The following RXFP1 variants were observed in gnomAD, a reference collection of about 807,000 sequenced individuals.
RXFP1 encodes the protein relaxin receptor 1.
In RXFP1, 73 loss-of-function variants were observed where a neutral mutation model predicts 89.8. The ratio of observed to expected loss-of-function variants is 0.81; its 90% CI spans 0.67 to 0.99. The LOEUF (loss-of-function observed/expected upper bound fraction) is 0.99, where lower values mean the gene tolerates loss of function less well. Ranked by LOEUF, RXFP1 falls within the 50% of genes least tolerant of loss-of-function variation. The probability of loss-of-function intolerance (pLI) is 0.00; values close to 1 mark genes in which losing one functional copy is unlikely to be tolerated. For synonymous variants in RXFP1, 277 were observed against 305.5 expected, an observed-to-expected ratio of 0.91 and a Z score of 0.97; for missense variants, 793 against 895.5, an observed-to-expected ratio of 0.89 and a Z score of 1.46.
chr4:158,642,435 CT>C (rs1389826331), intron 14 of RXFP1, among the ~76,000 whole-genome samples: 1 of 152,080 alleles, frequency 6.6e-6, no homozygotes. Flanking sequence ...ATAAGTCTGC[CT>C]GTCTCTTCCT....
At chr4:158,533,303 G>A (rs1275242231) in intron 1 of RXFP1, among the ~76,000 whole-genome samples, 1 of 152,116 alleles carries the variant, frequency 6.6e-6, no homozygotes, top group African/African-American at 2.4e-5. Context: ...TACCTTCCCT[G>A]AGCAATAAAG....
intron 1 of RXFP1, among the ~76,000 whole-genome samples, chr4:158,547,438 T>C (rs1263165341): frequency 6.6e-6 from 1 of 152,328 alleles, no homozygotes; most frequent in African/African-American, 2.4e-5. Flanking sequence ...GTTTTTTGTG[T>C]CTCTATTTCC....
intron 16 of RXFP1, 146 bp from the exon 17 acceptor site, chr4:158,648,353 G>T: frequency 1.2e-5 from 6 of 506,060 alleles, no homozygotes; most frequent in Non-Finnish European, 2.0e-5. Flanking sequence ...GTAATTCTTT[G>T]TGAAGAAAAA....
intron 5 of RXFP1, among the ~76,000 whole-genome samples, 191 bp from the exon 6 acceptor site, chr4:158,607,781 G>A (rs536964690): frequency 1.4e-4 from 22 of 152,242 alleles, no homozygotes; most frequent in Admixed American, 1.3e-3. Flanking sequence ...TTTTTAAAAT[G>A]TTTAATCGTC....
At chr4:158,625,481 C>T (rs538874084) in intron 9 of RXFP1, among the ~76,000 whole-genome samples, 2 of 152,068 alleles carry the variant, frequency 1.3e-5, no homozygotes, top group Non-Finnish European at 2.9e-5. Flanking sequence ...AATTTTGCAA[C>T]CCAATGCAAC....
At position 158,646,835 on chromosome 4, in the gene RXFP1, T is replaced by C; in HGVS notation, c.1390T>C (p.Phe464Leu). ...AATATATTTATTCGTGATCGGAGGC[T>C]TTGACCTAAAGTTTCGTGGAGAATA... ...MGIYLFVIGG[F>L]DLKFRGEYNK... Residue 464 changes from phenylalanine to leucine, a missense_variant, in exon 16 of 18, where the codon TTT becomes CTT. By Grantham distance (22) the Phe-to-Leu change is conservative. Transcript: ENST00000307765. The C allele has an allele frequency of 6.2e-7, 1 of 1,613,992 alleles. No homozygotes were observed. Among genetic ancestry groups the C allele is most frequent in the East Asian group, 2.2e-5 (1 of 44,874 alleles).
At chr4:158,626,705 A>G (rs1766916425) in intron 9 of RXFP1, 115 bp from the exon 10 acceptor site, 1 of 575,694 alleles carries the variant, frequency 1.7e-6, no homozygotes, top group Non-Finnish European at 3.0e-6. Context: ...GAGAGTCTAT[A>G]TGAAATAAAC....
chr4:158,542,109 A>ATATATATATTTTT lies in RXFP1; in HGVS notation c.49+20085_49+20086insATATATATTTTTT. The stretch of plus-strand genomic sequence containing the variant: ...TATATATATATATATATATATATAT[A>ATATATATATTTTT]TTTTTTTTTTAGTAGAGACAGGGTT... On this transcript the variant is annotated intron_variant, in intron 1 of 17. Transcript: ENST00000307765. Among the ~76,000 whole-genome samples the ATATATATATTTTT allele has an allele frequency of 1.4e-3, 48 of 35,210 alleles. 1 individual carries two copies. The highest frequency in any genetic ancestry group is 1.4e-3 in the Non-Finnish European group (25 of 17,984). The allele number at this position is 35,210 out of a possible 152,430, so 23.1% of individuals were successfully genotyped here.
chr4:158,615,318 T>C (rs1764340182), intron 8 of RXFP1, among the ~76,000 whole-genome samples: 1 of 151,866 alleles, frequency 6.6e-6, no homozygotes, highest in South Asian at 2.1e-4. Flanking sequence ...GGGCAGATCA[T>C]CTGAGGTCAG....
At chr4:158,530,586 T>C (rs942473844) in intron 1 of RXFP1, among the ~76,000 whole-genome samples, 1 of 152,232 alleles carries the variant, frequency 6.6e-6, no homozygotes, top group Non-Finnish European at 1.5e-5. Flanking sequence ...TTCTCACACA[T>C]TTCAAACTTA....
At chr4:158,542,109 A>ATATATATATATATATATATATTTTT in intron 1 of RXFP1, among the ~76,000 whole-genome samples, 12 of 35,230 alleles carry the variant, frequency 3.4e-4, no homozygotes, top group Non-Finnish European at 4.4e-4. Flanking sequence ...ATATATATAT[A>ATATATATATATATATATATATTTTT]TTTTTTTTTT....
chr4:158,644,428 C>CT (rs983269298), intron 14 of RXFP1, among the ~76,000 whole-genome samples: 4 of 150,946 alleles, frequency 2.6e-5, no homozygotes, highest in East Asian at 3.9e-4. Context: ...TTTTTCTTTT[C>CT]TTTTTTTTTC....
intron 4 of RXFP1, among the ~76,000 whole-genome samples, chr4:158,600,074 C>T (rs987710173): frequency 6.6e-6 from 1 of 152,180 alleles, no homozygotes; most frequent in Non-Finnish European, 1.5e-5. Flanking sequence ...GCAACACAAA[C>T]ATATACATTT....
At chr4:158,595,391 G>C (rs1000795423) in intron 3 of RXFP1, among the ~76,000 whole-genome samples, 1 of 152,166 alleles carries the variant, frequency 6.6e-6, no homozygotes, top group African/African-American at 2.4e-5. Flanking sequence ...ACCTGGCAAT[G>C]CCAGCTCCTC....
At chr4:158,629,778 C>T (rs1400306094) in intron 11 of RXFP1, among the ~76,000 whole-genome samples, 1 of 152,102 alleles carries the variant, frequency 6.6e-6, no homozygotes, top group Non-Finnish European at 1.5e-5. Flanking sequence ...TAGCACACCA[C>T]CATGCCCAGC....
intron 1 of RXFP1, among the ~76,000 whole-genome samples, chr4:158,542,110 T>TATATATATATATATATATATATA (rs56793848): frequency 1.5e-4 from 2 of 13,712 alleles, no homozygotes; most frequent in African/African-American, 3.2e-4. Context: ...TATATATATA[T>TATATATATATATATATATATATA]TTTTTTTTTA....
At chr4:158,526,041 C>T (rs575739159) in intron 1 of RXFP1, among the ~76,000 whole-genome samples, 4 of 152,214 alleles carry the variant, frequency 2.6e-5, no homozygotes, top group Non-Finnish European at 5.9e-5. Context: ...TTAGCCAGCC[C>T]AAGGTCTCAG....
chr4:158,642,616 T>C (rs1357545676), intron 14 of RXFP1, among the ~76,000 whole-genome samples: 1 of 152,192 alleles, frequency 6.6e-6, no homozygotes, highest in East Asian at 1.9e-4. Flanking sequence ...ATGACAGAAT[T>C]TCATTCTTTT....
At chr4:158,557,215 A>G (rs1163276055) in intron 1 of RXFP1, among the ~76,000 whole-genome samples, 1 of 152,218 alleles carries the variant, frequency 6.6e-6, no homozygotes, top group East Asian at 1.9e-4. Context: ...TACAATATGT[A>G]TGTATCAATT....
Sources: allele counts gnomAD v4.1 joint callset (sites outside exome capture counted in the v4.1 genomes callset), GRCh38; gene constraint gnomAD v4.1.1; transcripts MANE v1.5; gene names NCBI Gene and HGNC (gene_info 2026-07-23, HGNC 2026-07-21).